HSD17B12: variants seen among roughly 807,000 people sequenced by gnomAD.
HSD17B12 encodes hydroxysteroid 17-beta dehydrogenase 12, also known as very-long-chain 3-oxoacyl-CoA reductase.
HSD17B12 carries 32 observed loss-of-function variants against 39.3 expected under a neutral mutation model. The observed-to-expected ratio is 0.81, with a 90% CI of 0.61 to 1.09. The LOEUF (loss-of-function observed/expected upper bound fraction) is 1.09, where lower values mean the gene tolerates loss of function less well. HSD17B12 is among the 50% of genes least tolerant of loss of function. The pLI is 0.00. For missense variants in HSD17B12, 342 were observed against 382.9 expected (o/e 0.89, Z 0.89); for synonymous variants, 150 against 146.7 (o/e 1.02, Z -0.16).
intron 3 of HSD17B12, among the ~76,000 whole-genome samples, chr11:43,765,984 C>G (rs539283304): frequency 9.9e-5 from 15 of 152,256 alleles, no homozygotes; most frequent in African/African-American, 3.6e-4. Flanking sequence ...CGCCACTGCG[C>G]CCGGCTAATT....
chr11:43,577,600 C>T, the HSD17B12 span, among the ~76,000 whole-genome samples: 11 of 152,232 alleles, frequency 7.2e-5, no homozygotes, highest in African/African-American at 2.4e-4. Context: ...CTCGTCCCCT[C>T]CCACTTCATG....
At chr11:43,769,350 A>G (rs919760262) in intron 3 of HSD17B12, among the ~76,000 whole-genome samples, 7 of 152,252 alleles carry the variant, frequency 4.6e-5, no homozygotes, top group African/African-American at 1.7e-4. Flanking sequence ...TTTGATTAAA[A>G]ACAAATAGTC....
the HSD17B12 span, among the ~76,000 whole-genome samples, chr11:43,647,467 A>G: frequency 1.7e-4 from 21 of 125,066 alleles, no homozygotes; most frequent in African/African-American, 6.2e-4. Context: ...TTTTTGAGAC[A>G]GTTTTTCACT....
At chr11:43,599,224 A>ATGTATCATCTGGAT in the HSD17B12 span, among the ~76,000 whole-genome samples, 3 of 152,076 alleles carry the variant, frequency 2.0e-5, no homozygotes, top group Admixed American at 1.3e-4. Context: ...TTTTTTTCCT[A>ATGTATCATCTGGAT]ACGTTCTTTT....
chr11:43,645,642 A>G, the HSD17B12 span: 1 of 152,216 alleles, frequency 6.6e-6, no homozygotes, highest in Non-Finnish European at 1.5e-5. Flanking sequence ...TCTTGTGATG[A>G]ATGAGGTTTT....
intron 1 of HSD17B12, 104 bp from the exon 2 acceptor site, chr11:43,750,807 A>G: frequency 2.9e-6 from 2 of 696,946 alleles, no homozygotes; most frequent in Non-Finnish European, 4.9e-6. Flanking sequence ...CTTTTACATC[A>G]AAGTGTCACA....
At chr11:43,747,106 G>A (rs1441012198) in intron 1 of HSD17B12, among the ~76,000 whole-genome samples, 1 of 152,202 alleles carries the variant, frequency 6.6e-6, no homozygotes, top group Non-Finnish European at 1.5e-5. Flanking sequence ...AACTGTCCAA[G>A]TCTTGCGTGT....
At chr11:43,726,507 A>C (rs1480464719) in intron 1 of HSD17B12, among the ~76,000 whole-genome samples, 1 of 152,232 alleles carries the variant, frequency 6.6e-6, no homozygotes, top group Non-Finnish European at 1.5e-5. Flanking sequence ...GATTAGGTCC[A>C]GAGCTTTATC....
At chr11:43,654,677 G>C in the HSD17B12 span, among the ~76,000 whole-genome samples, 6 of 152,164 alleles carry the variant, frequency 3.9e-5, no homozygotes, top group East Asian at 1.2e-3. Flanking sequence ...TCTTGATTTT[G>C]TCAGGTTTGT....
intron 1 of HSD17B12, among the ~76,000 whole-genome samples, chr11:43,705,761 CTTTTTTTTTTTTTT>C (rs56979348): frequency 1.6e-5 from 1 of 62,476 alleles, no homozygotes; most frequent in Non-Finnish European, 2.9e-5. Context: ...CCTCTCTCCT[CTTTTTTTTTTTTTT>C]TTTTTTTTTT....
At chr11:43,777,064 G>A (rs1950713305) in intron 3 of HSD17B12, among the ~76,000 whole-genome samples, 1 of 152,106 alleles carries the variant, frequency 6.6e-6, no homozygotes, top group Non-Finnish European at 1.5e-5. Flanking sequence ...TGTTCTTTTG[G>A]CCTAGGATTG....
At chr11:43,723,671 A>G (rs1416047674) in intron 1 of HSD17B12, among the ~76,000 whole-genome samples, 7 of 152,250 alleles carry the variant, frequency 4.6e-5, no homozygotes, top group African/African-American at 9.6e-5. Context: ...ATCTTGTCTT[A>G]CTAACAAAAC....
chr11:43,625,946 ACT>A, the HSD17B12 span, among the ~76,000 whole-genome samples: 38,920 of 151,080 alleles, frequency 0.26, 5,248 homozygotes, highest in Middle Eastern at 0.31. Context: ...AACATTTAAA[ACT>A]CTTCTATTTT....
intron 3 of HSD17B12, among the ~76,000 whole-genome samples, chr11:43,763,656 G>T (rs35443644): frequency 0.1 from 15,322 of 148,096 alleles, 907 homozygotes; most frequent in Middle Eastern, 0.18. Context: ...TATATATAGA[G>T]AGAGAGAGAG....
chr11:43,816,434 T>G, intron 6 of HSD17B12, 43 bp downstream of exon 6: 1 of 1,481,850 alleles, frequency 6.7e-7, no homozygotes, highest in Non-Finnish European at 9.1e-7. Context: ...TTTTGGTTCC[T>G]TCTATTCAAA....
At chr11:43,637,871 G>T in the HSD17B12 span, among the ~76,000 whole-genome samples, 1 of 152,118 alleles carries the variant, frequency 6.6e-6, no homozygotes, top group Non-Finnish European at 1.5e-5. Context: ...TTGTGGATGG[G>T]GAGGGGTTAT....
chr11:43,650,680 A>T, the HSD17B12 span, among the ~76,000 whole-genome samples: 1 of 152,216 alleles, frequency 6.6e-6, no homozygotes, highest in East Asian at 1.9e-4. Context: ...GCAGAGTCTC[A>T]GATCCAACCT....
chr11:43,652,729 T>C, the HSD17B12 span, among the ~76,000 whole-genome samples: 1 of 151,998 alleles, frequency 6.6e-6, no homozygotes, highest in African/African-American at 2.4e-5. Flanking sequence ...GGTGAAGAGC[T>C]TCCATGCCCT....
intron 3 of HSD17B12, among the ~76,000 whole-genome samples, chr11:43,782,692 A>G (rs1950777867): frequency 6.7e-6 from 1 of 149,970 alleles, no homozygotes; most frequent in East Asian, 2.0e-4. Context: ...AAAAAAAAAT[A>G]GGAAAGCATG....
Sources: allele counts gnomAD v4.1 joint callset (sites outside exome capture counted in the v4.1 genomes callset), GRCh38; gene constraint gnomAD v4.1.1; transcripts MANE v1.5; gene names NCBI Gene and HGNC (gene_info 2026-07-23, HGNC 2026-07-21).